PLCB1: variants seen among roughly 807,000 people sequenced by gnomAD.
PLCB1 encodes the protein 1-phosphatidylinositol 4,5-bisphosphate phosphodiesterase beta-1.
In PLCB1, 46 loss-of-function variants were observed where a neutral mutation model predicts 161.8. That is an observed-to-expected ratio of 0.28 (90% CI 0.22 to 0.36). The LOEUF (loss-of-function observed/expected upper bound fraction) is 0.36, where lower values mean the gene tolerates loss of function less well. Among genes scored for constraint, PLCB1 ranks in the 10% least tolerant of loss-of-function variants. The pLI is 1.00. For missense variants in PLCB1, 1,016 were observed against 1,472.5 expected (o/e 0.69, Z 5.07); for synonymous variants, 517 against 503.7 (o/e 1.03, Z -0.35).
Position 8,207,248 on chromosome 20 carries a change from T to C in PLCB1, c.177+56877T>C, listed in dbSNP as rs537442406. On this transcript the variant is annotated intron_variant, in intron 2 of 31. Transcript: ENST00000338037. ...TCCTACAGGGAAGAAAGTGCAAGATTACTTTTAAGTTAGCTCTAATAAATA... is the reference window on the plus strand; with the variant it reads ...TCCTACAGGGAAGAAAGTGCAAGATCACTTTTAAGTTAGCTCTAATAAATA... Among the ~76,000 whole-genome samples, 4 of 152,324 alleles carry C rather than the reference T, an allele frequency of 2.6e-5. No homozygotes were observed. The South Asian group carries it at 8.3e-4, about 32-fold the overall frequency.
chr20:8,656,201 G>C (rs1457273232), intron 7 of PLCB1, among the ~76,000 whole-genome samples: 1 of 151,920 alleles, frequency 6.6e-6, no homozygotes, highest in East Asian at 1.9e-4. Flanking sequence ...TTCTATCTCT[G>C]TAAATGGATT....
chr20:8,342,926 A>C (rs1394774924), intron 2 of PLCB1, among the ~76,000 whole-genome samples: 3 of 152,196 alleles, frequency 2.0e-5, no homozygotes, highest in Non-Finnish European at 4.4e-5. Context: ...GGGGGCCCTC[A>C]AATCCCAACA....
chr20:8,339,091 G>A (rs1469410635), intron 2 of PLCB1, among the ~76,000 whole-genome samples: 2 of 152,110 alleles, frequency 1.3e-5, no homozygotes, highest in Admixed American at 1.3e-4. Flanking sequence ...GCTATGATGA[G>A]TACAGCTGCC....
intron 3 of PLCB1, among the ~76,000 whole-genome samples, chr20:8,514,924 G>T (rs929506198): frequency 6.6e-6 from 1 of 152,168 alleles, no homozygotes; most frequent in African/African-American, 2.4e-5. Context: ...TCAGGGGTTA[G>T]GCTAAGATTC....
intron 3 of PLCB1, among the ~76,000 whole-genome samples, chr20:8,527,344 G>A (rs968637447): frequency 1.3e-5 from 2 of 151,926 alleles, no homozygotes; most frequent in Non-Finnish European, 2.9e-5. Flanking sequence ...ATTAAGATTG[G>A]ACTTGGAATA....
At chr20:8,587,799 G>T (rs1987035078) in intron 3 of PLCB1, among the ~76,000 whole-genome samples, 1 of 152,168 alleles carries the variant, frequency 6.6e-6, no homozygotes, top group African/African-American at 2.4e-5. Context: ...TATGAGGTAA[G>T]GAGTCCTGGG....
At chr20:8,623,719 C>T (rs1988250371) in intron 3 of PLCB1, among the ~76,000 whole-genome samples, 2 of 152,130 alleles carry the variant, frequency 1.3e-5, no homozygotes, top group African/African-American at 2.4e-5. Context: ...AAACAAGTAA[C>T]ATCCTCCGAG....
intron 1 of PLCB1, among the ~76,000 whole-genome samples, chr20:8,134,789 A>G (rs1338225994): frequency 6.6e-6 from 1 of 152,062 alleles, no homozygotes; most frequent in Non-Finnish European, 1.5e-5. Context: ...GCATTGCAGC[A>G]GTGAGTTTCC....
At chr20:8,468,845 A>T (rs1981929399) in intron 3 of PLCB1, among the ~76,000 whole-genome samples, 2 of 152,182 alleles carry the variant, frequency 1.3e-5, no homozygotes, top group African/African-American at 4.8e-5. Context: ...GCCAACCTAG[A>T]GCCTGAGATG....
chr20:8,810,278 C>T (rs181525139), intron 31 of PLCB1, among the ~76,000 whole-genome samples: 144 of 152,220 alleles, frequency 9.5e-4, no homozygotes, highest in African/African-American at 3.2e-3. Flanking sequence ...AGCGACGTGT[C>T]CAAGGTTACA....
intron 31 of PLCB1, among the ~76,000 whole-genome samples, chr20:8,878,325 A>T (rs1309266199): frequency 6.6e-6 from 1 of 152,180 alleles, no homozygotes; most frequent in Non-Finnish European, 1.5e-5. Flanking sequence ...TGAATTGATG[A>T]TGAGGTCTGA....
chr20:8,437,283 T>C (rs1056576920), intron 3 of PLCB1, among the ~76,000 whole-genome samples: 3 of 152,172 alleles, frequency 2.0e-5, no homozygotes, highest in African/African-American at 7.2e-5. Context: ...GAAACCAACT[T>C]AGAGTCATCT....
chr20:8,199,013 C>A (rs191799466), intron 2 of PLCB1, among the ~76,000 whole-genome samples: 1 of 150,938 alleles, frequency 6.6e-6, no homozygotes, highest in African/African-American at 2.5e-5. Flanking sequence ...TCTTAATTTG[C>A]GGGAACATTA....
intron 3 of PLCB1, among the ~76,000 whole-genome samples, chr20:8,439,008 C>G (rs1186465886): frequency 1.3e-5 from 2 of 152,150 alleles, no homozygotes; most frequent in East Asian, 1.9e-4. Flanking sequence ...GACGTGCTCT[C>G]GTAAGGTCAT....
At chr20:8,793,548 C>T (rs1004900284) in intron 31 of PLCB1, among the ~76,000 whole-genome samples, 1 of 149,356 alleles carries the variant, frequency 6.7e-6, no homozygotes, top group Non-Finnish European at 1.5e-5. Context: ...GTGATGCCCC[C>T]ACAAGCCGCA....
chr20:8,355,227 A>G (rs983203538), intron 2 of PLCB1, among the ~76,000 whole-genome samples: 1 of 148,766 alleles, frequency 6.7e-6, no homozygotes, highest in Admixed American at 6.7e-5. Context: ...ATTTGTCTTA[A>G]AAAAAAAAAG....
intron 3 of PLCB1, among the ~76,000 whole-genome samples, chr20:8,406,851 G>T (rs572984639): frequency 6.6e-6 from 1 of 152,110 alleles, no homozygotes; most frequent in Non-Finnish European, 1.5e-5. Flanking sequence ...CCGTTTATTG[G>T]GGGTATTTTA....
intron 3 of PLCB1, among the ~76,000 whole-genome samples, chr20:8,575,379 G>A (rs779942603): frequency 3.9e-5 from 6 of 152,178 alleles, no homozygotes; most frequent in Non-Finnish European, 5.9e-5. Context: ...TCCCTTCACC[G>A]TGGAAGATTA....
intron 3 of PLCB1, among the ~76,000 whole-genome samples, chr20:8,608,125 A>G (rs948416123): frequency 1.3e-4 from 20 of 152,122 alleles, no homozygotes; most frequent in Non-Finnish European, 2.9e-4. Context: ...GAGATCATCA[A>G]GTTGTGTACT....
Sources: allele counts gnomAD v4.1 joint callset (sites outside exome capture counted in the v4.1 genomes callset), GRCh38; gene constraint gnomAD v4.1.1; transcripts MANE v1.5; gene names NCBI Gene and HGNC (gene_info 2026-07-23, HGNC 2026-07-21).